Variants in PLEKHA5 observed in about 807,000 individuals in gnomAD.
PLEKHA5 encodes pleckstrin homology domain containing A5, also known as pleckstrin homology domain-containing family A member 5.
In PLEKHA5, 55 loss-of-function variants were observed where a neutral mutation model predicts 181.9. The observed-to-expected ratio is 0.30, with a 90% CI of 0.24 to 0.38. PLEKHA5 has a LOEUF of 0.38. Ranked by LOEUF, PLEKHA5 falls within the 10% of genes least tolerant of loss-of-function variation. The pLI is 1.00. For synonymous variants in PLEKHA5, 535 were observed against 529.4 expected (o/e 1.01, Z -0.15); for missense variants, 1,432 against 1,549.5 (o/e 0.92, Z 1.27).
intron 15 of PLEKHA5, among the ~76,000 whole-genome samples, chr12:19,304,468 T>A (rs1277090351): frequency 6.6e-6 from 1 of 152,228 alleles, no homozygotes; most frequent in Admixed American, 6.5e-5. Context: ...TTACTTAGTT[T>A]GAAGTTTTTT....
intron 3 of PLEKHA5, among the ~76,000 whole-genome samples, chr12:19,246,353 G>A (rs113593779): frequency 4.0e-5 from 6 of 151,594 alleles, no homozygotes; most frequent in South Asian, 2.1e-4. Context: ...GGCTGGGTGC[G>A]GTGGCTCACG....
At chr12:19,320,229 C>T (rs771430547) in intron 17 of PLEKHA5, among the ~76,000 whole-genome samples, 173 bp downstream of exon 17, 17 of 151,860 alleles carry the variant, frequency 1.1e-4, no homozygotes, top group Non-Finnish European at 1.9e-4. Flanking sequence ...ACAGTTGCTA[C>T]GATTGTATTT....
intron 6 of PLEKHA5, among the ~76,000 whole-genome samples, chr12:19,258,561 C>CTTTTTTTTTTTT (rs71440398): frequency 8.1e-6 from 1 of 123,798 alleles, no homozygotes; most frequent in Non-Finnish European, 1.6e-5. Context: ...TTTTCTTTTT[C>CTTTTTTTTTTTT]TTTTTTTTTT....
chr12:19,306,607 C>CGGAGGTGGTGGCGGCGGT (rs2083769664), intron 15 of PLEKHA5: 4 of 924,928 alleles, frequency 4.3e-6, no homozygotes, highest in Non-Finnish European at 7.1e-6. Flanking sequence ...GGCCCAGTAG[C>CGGAGGTGGTGGCGGCGGT]GGAGGTGGTG....
At position 19,343,372 on chromosome 12, in the gene PLEKHA5, G is replaced by A. The variant is rs777805692; in HGVS notation, c.2600G>A (p.Arg867Gln). Reference sequence around the variant, plus strand: ...GCACAGATTCAGAAAGAACTTTGGCGAATTCAGGATGTCATGGAAGGGCTG... The same window carrying A: ...GCACAGATTCAGAAAGAACTTTGGCAAATTCAGGATGTCATGGAAGGGCTG... The part of the protein sequence containing the change: ...QRAQIQKELW[R>Q]IQDVMEGLSK... Residue 867 changes from arginine to glutamine, a missense_variant, in exon 22 of 32, where the codon CGA (arginine) becomes CAA (glutamine). Coordinates refer to ENST00000429027, the MANE Select transcript of PLEKHA5 (RefSeq NM_001256470.2). 10 of 1,613,680 alleles carry A rather than the reference G, an allele frequency of 6.2e-6. No individual in the cohort carries two copies. The highest frequency in any genetic ancestry group is 4.5e-5 in the East Asian group (2 of 44,860).
chr12:19,182,122 G>A (rs1358404297), intron 3 of PLEKHA5, among the ~76,000 whole-genome samples: 1 of 152,134 alleles, frequency 6.6e-6, no homozygotes, highest in Non-Finnish European at 1.5e-5. Flanking sequence ...TACTTTTTAA[G>A]ACTTATTTAT....
intron 3 of PLEKHA5, among the ~76,000 whole-genome samples, chr12:19,253,127 T>G (rs1210007635): frequency 1.5e-5 from 2 of 131,098 alleles, no homozygotes; most frequent in Non-Finnish European, 1.6e-5. Context: ...CAGAGTGGAG[T>G]GCAGTGGCAC....
intron 28 of PLEKHA5, among the ~76,000 whole-genome samples, chr12:19,361,051 G>C (rs112149243): frequency 6.6e-6 from 1 of 151,858 alleles, no homozygotes; most frequent in East Asian, 1.9e-4. Context: ...CACTGTGCCC[G>C]GCCTGCATCA....
intron 21 of PLEKHA5, among the ~76,000 whole-genome samples, chr12:19,337,230 G>A (rs2093502670): frequency 6.6e-6 from 1 of 151,794 alleles, no homozygotes; most frequent in South Asian, 2.1e-4. Flanking sequence ...CTAGTTCCAA[G>A]GGTTAGTTTT....
chr12:19,131,586 G>C (rs1028410218), intron 2 of PLEKHA5, among the ~76,000 whole-genome samples: 3 of 151,990 alleles, frequency 2.0e-5, no homozygotes, highest in African/African-American at 7.3e-5. Flanking sequence ...ATGGAATTAT[G>C]AGTGATATAA....
intron 21 of PLEKHA5, among the ~76,000 whole-genome samples, chr12:19,341,121 AAAAG>A (rs779174306): frequency 2.6e-5 from 4 of 152,066 alleles, no homozygotes; most frequent in Non-Finnish European, 5.9e-5. Context: ...AAAATACAAA[AAAAG>A]AGAGAGCTGG....
chr12:19,351,268 G>A (rs1478301926), intron 25 of PLEKHA5, among the ~76,000 whole-genome samples: 1 of 152,082 alleles, frequency 6.6e-6, no homozygotes, highest in Non-Finnish European at 1.5e-5. Context: ...TGGGAATGAT[G>A]GCTCATTCCT....
chr12:19,306,375 C>T (rs934499862), intron 15 of PLEKHA5: 1 of 505,640 alleles, frequency 2.0e-6, no homozygotes, highest in Non-Finnish European at 3.8e-6. Flanking sequence ...AGCGTGCTCT[C>T]TTCCCCTCCC....
chr12:19,264,580 C>A (rs1198578785), intron 7 of PLEKHA5, among the ~76,000 whole-genome samples: 2 of 152,170 alleles, frequency 1.3e-5, no homozygotes, highest in Admixed American at 6.5e-5. Context: ...ATCTGTACTT[C>A]CGTTCATCCT....
intron 16 of PLEKHA5, chr12:19,319,650 TTTG>T (rs1323283759): frequency 1.1e-5 from 2 of 176,192 alleles, no homozygotes; most frequent in African/African-American, 4.8e-5. Flanking sequence ...CTACTGTGTT[TTTG>T]TTATTTTCTC....
chr12:19,180,928 G>A (rs951684748), intron 3 of PLEKHA5, among the ~76,000 whole-genome samples: 8 of 151,624 alleles, frequency 5.3e-5, no homozygotes, highest in Non-Finnish European at 1.2e-4. Context: ...CACCTCTGGT[G>A]TGGAGCCTGG....
At chr12:19,259,773 T>C (rs2067888112) in intron 6 of PLEKHA5, among the ~76,000 whole-genome samples, 1 of 144,288 alleles carries the variant, frequency 6.9e-6, no homozygotes, top group East Asian at 2.0e-4. Flanking sequence ...ATTGAAGATA[T>C]CATTTGCCAT....
intron 3 of PLEKHA5, among the ~76,000 whole-genome samples, chr12:19,181,650 C>T (rs1397990084): frequency 6.6e-6 from 1 of 152,062 alleles, no homozygotes; most frequent in African/African-American, 2.4e-5. Context: ...GTTGCAGGCG[C>T]CTGTAATCCC....
intron 3 of PLEKHA5, among the ~76,000 whole-genome samples, chr12:19,146,264 GA>G (rs2038894370): frequency 6.6e-6 from 1 of 152,166 alleles, no homozygotes; most frequent in Non-Finnish European, 1.5e-5. Flanking sequence ...CTTCTTGTTT[GA>G]ATTTACATGC....
Sources: allele counts gnomAD v4.1 joint callset (sites outside exome capture counted in the v4.1 genomes callset), GRCh38; gene constraint gnomAD v4.1.1; transcripts MANE v1.5; gene names NCBI Gene and HGNC (gene_info 2026-07-23, HGNC 2026-07-21).